Variants in CNTNAP2 observed in about 807,000 individuals in gnomAD.
CNTNAP2 encodes contactin associated protein 2.
CNTNAP2 carries 98 observed loss-of-function variants against 155.2 expected under a neutral mutation model. That is an observed-to-expected ratio of 0.63 (90% CI 0.54 to 0.75). CNTNAP2 has a LOEUF of 0.75. Among genes scored for constraint, CNTNAP2 ranks in the 30% least tolerant of loss-of-function variants. CNTNAP2 has a pLI of 0.00. For synonymous variants in CNTNAP2, 651 were observed against 631.2 expected, an observed-to-expected ratio of 1.03 and a Z score of -0.47; for missense variants, 1,727 against 1,688.1, an observed-to-expected ratio of 1.02 and a Z score of -0.40.
chr7:147,654,802 A>G (rs1795500151), intron 13 of CNTNAP2, among the ~76,000 whole-genome samples: 1 of 123,374 alleles, frequency 8.1e-6, no homozygotes, highest in South Asian at 2.5e-4. Context: ...CTAGCAAAAT[A>G]TATTTCTTTT....
chr7:147,384,723 C>T (rs553491466), intron 9 of CNTNAP2, among the ~76,000 whole-genome samples: 42 of 152,172 alleles, frequency 2.8e-4, no homozygotes, highest in Admixed American at 5.2e-4. Context: ...GAATTTTTAG[C>T]GTTAAGTGCC....
intron 10 of CNTNAP2, among the ~76,000 whole-genome samples, chr7:147,441,807 GTCTCTT>G (rs1192432578): frequency 5.2e-4 from 40 of 76,882 alleles, no homozygotes; most frequent in African/African-American, 1.7e-3. Flanking sequence ...ACCAAATGTA[GTCTCTT>G]TCTCTCTCTC....
intron 8 of CNTNAP2, among the ~76,000 whole-genome samples, chr7:147,134,345 T>C (rs1191805159): frequency 2.0e-5 from 3 of 151,940 alleles, no homozygotes; most frequent in Non-Finnish European, 4.4e-5. Context: ...TTCACCTTAA[T>C]AGATTTGCTT....
intron 15 of CNTNAP2, among the ~76,000 whole-genome samples, chr7:148,022,468 CAAAAA>C (rs745936599): frequency 1.1e-4 from 10 of 91,120 alleles, no homozygotes; most frequent in Admixed American, 4.2e-4. Context: ...GACTCCGTCT[CAAAAA>C]AAAAAAAAAA....
At position 147,556,277 on chromosome 7, in the gene CNTNAP2, G is replaced by C. The variant is rs531779077; in HGVS notation, c.1778-5861G>C. Among the ~76,000 whole-genome samples, 3 of 152,058 alleles carry C rather than the reference G, an allele frequency of 2.0e-5. No homozygotes were observed. In the East Asian group the frequency reaches 5.8e-4, roughly 29 times the overall value. ...TAATAAAAGTTATTCTTTAAATAGA[G>C]TCATCATTTTTATATAGTTGTGATA... On this transcript the variant is annotated intron_variant, in intron 11 of 23. Transcript: ENST00000361727.
intron 1 of CNTNAP2, among the ~76,000 whole-genome samples, chr7:146,381,212 T>A (rs138345541): frequency 4.9e-4 from 75 of 152,238 alleles, no homozygotes; most frequent in African/African-American, 1.8e-3. Flanking sequence ...CTTTGGCACA[T>A]TGGGACATGC....
chr7:146,717,078 C>G (rs1261428629), intron 1 of CNTNAP2, among the ~76,000 whole-genome samples: 1 of 151,546 alleles, frequency 6.6e-6, no homozygotes, highest in African/African-American at 2.4e-5. Flanking sequence ...AGCAGACCTC[C>G]CCCTGAGTGG....
intron 9 of CNTNAP2, among the ~76,000 whole-genome samples, chr7:147,341,368 C>T (rs972234905): frequency 6.6e-6 from 1 of 151,832 alleles, no homozygotes; most frequent in Non-Finnish European, 1.5e-5. Context: ...AGCAAACCAA[C>T]ATGGCATGTG....
At chr7:146,413,424 A>C (rs1366101563) in intron 1 of CNTNAP2, among the ~76,000 whole-genome samples, 1 of 152,224 alleles carries the variant, frequency 6.6e-6, no homozygotes. Context: ...CAAAGTAAAA[A>C]GCTGAGTAAG....
chr7:147,287,298 G>A (rs1027482944), intron 8 of CNTNAP2, among the ~76,000 whole-genome samples: 1 of 152,084 alleles, frequency 6.6e-6, no homozygotes, highest in Admixed American at 6.6e-5. Flanking sequence ...GGCGAAGGAT[G>A]AGGAACCTGA....
At chr7:146,172,829 A>T (rs1057247516) in intron 1 of CNTNAP2, among the ~76,000 whole-genome samples, 3 of 152,282 alleles carry the variant, frequency 2.0e-5, no homozygotes, top group African/African-American at 7.2e-5. Flanking sequence ...CAGACATGCA[A>T]GATATTCTGC....
At chr7:146,131,428 ATTAGAGAGGTATGC>A (rs1797711625) in intron 1 of CNTNAP2, among the ~76,000 whole-genome samples, 1 of 152,218 alleles carries the variant, frequency 6.6e-6, no homozygotes, top group Non-Finnish European at 1.5e-5. Flanking sequence ...CATAGTTTTT[ATTAGAGAGGTATGC>A]ATTTATAAGC....
intron 1 of CNTNAP2, among the ~76,000 whole-genome samples, chr7:146,215,516 T>C (rs935304600): frequency 3.9e-5 from 6 of 152,098 alleles, no homozygotes; most frequent in South Asian, 2.1e-4. Flanking sequence ...TCTGACAAAA[T>C]TGCCATTTTA....
At position 147,666,005 on chromosome 7, in the gene CNTNAP2, T is replaced by TG. The variant is rs551135981; in HGVS notation, c.2098+26700dup. On this transcript the variant is annotated intron_variant, in intron 13 of 23. Coordinates refer to ENST00000361727, the MANE Select transcript of CNTNAP2 (RefSeq NM_014141.6). The stretch of plus-strand genomic sequence containing the variant: ...CACTTAATAGTGTATCTATATCATT[T>TG]GAGCCATTCTCATGAGTATGTCATA... Among the ~76,000 whole-genome samples, 530 of 152,340 alleles carry TG rather than the reference T, an allele frequency of 3.5e-3. 1 individual carries two copies. The highest frequency in any genetic ancestry group is 6.1e-3 in the Non-Finnish European group (417 of 68,020).
chr7:146,872,318 T>G (rs1795329719), intron 3 of CNTNAP2, among the ~76,000 whole-genome samples: 1 of 152,100 alleles, frequency 6.6e-6, no homozygotes, highest in African/African-American at 2.4e-5. Flanking sequence ...ATAGAATTAT[T>G]TTTTTCTGGT....
chr7:146,172,652 A>ATCATTCTT (rs1798412052), intron 1 of CNTNAP2, among the ~76,000 whole-genome samples: 1 of 152,102 alleles, frequency 6.6e-6, no homozygotes, highest in African/African-American at 2.4e-5. Flanking sequence ...TTAAGTTCTG[A>ATCATTCTT]TCATTACGTG....
intron 13 of CNTNAP2, among the ~76,000 whole-genome samples, chr7:147,681,840 G>A (rs1795951519): frequency 6.6e-6 from 1 of 151,752 alleles, no homozygotes; most frequent in South Asian, 2.1e-4. Context: ...TTTTATTACA[G>A]AAAACATGGC....
At chr7:146,638,889 C>T (rs1247600415) in intron 1 of CNTNAP2, among the ~76,000 whole-genome samples, 1 of 152,068 alleles carries the variant, frequency 6.6e-6, no homozygotes, top group African/African-American at 2.4e-5. Context: ...ATGGCGGATC[C>T]TACTATACAC....
rs1799157964 is a variant in CNTNAP2, at chr7:147,517,940, T to G, written c.1777+31899T>G. On this transcript the variant is annotated intron_variant, in intron 11 of 23. Transcript: ENST00000361727. ...ACTGTTGTTTTTCTTTTTGTTTCCT[T>G]TTTCTTTTGAGACAGAAACTCAATC... Among the ~76,000 whole-genome samples, 4 of 152,198 alleles carry G rather than the reference T, an allele frequency of 2.6e-5. No individual in the cohort carries two copies. In the South Asian group the frequency reaches 8.3e-4, roughly 32 times the overall value.
Sources: gnomAD v4.1 joint callset for allele counts (sites outside exome capture counted in the v4.1 genomes callset) on GRCh38, gnomAD v4.1.1 for gene constraint, MANE v1.5 for transcripts, NCBI Gene and HGNC (gene_info 2026-07-23, HGNC 2026-07-21) for gene names.